The following EIF4G3 variants were observed in gnomAD, a reference collection of about 807,000 sequenced individuals.
EIF4G3 encodes the protein eukaryotic translation initiation factor 4 gamma 3, also known as eIF-4-gamma 3.
In EIF4G3, 34 loss-of-function variants were observed where a neutral mutation model predicts 186.4. The ratio of observed to expected loss-of-function variants is 0.18; its 90% CI spans 0.14 to 0.24. The LOEUF (loss-of-function observed/expected upper bound fraction) is 0.24, where lower values mean the gene tolerates loss of function less well. EIF4G3 is among the 10% of genes least tolerant of loss of function. EIF4G3 has a pLI of 1.00. For missense variants in EIF4G3, 1,536 were observed against 1,948.5 expected (o/e 0.79, Z 3.99); for synonymous variants, 673 against 679.5 (o/e 0.99, Z 0.15).
At chr1:21,059,868 C>T (rs1329577598) in intron 3 of EIF4G3, among the ~76,000 whole-genome samples, 2 of 152,090 alleles carry the variant, frequency 1.3e-5, no homozygotes, top group African/African-American at 2.4e-5. Flanking sequence ...AAAAAATAAA[C>T]GAATAAGAAA....
At chr1:20,927,604 TTAGA>T (rs1271378021) in intron 14 of EIF4G3, among the ~76,000 whole-genome samples, 1 of 152,028 alleles carries the variant, frequency 6.6e-6, no homozygotes, top group African/African-American at 2.4e-5. Flanking sequence ...AAATGAATGG[TTAGA>T]TAGCTGGAAA....
chr1:20,827,337 T>A (rs1298093789), intron 32 of EIF4G3, among the ~76,000 whole-genome samples: 1 of 152,198 alleles, frequency 6.6e-6, no homozygotes, highest in Non-Finnish European at 1.5e-5. Flanking sequence ...ATAAATGATA[T>A]ATCCATTTTG....
At chr1:20,956,151 GTTCTTTCTATACTAA>G (rs1481658114) in intron 12 of EIF4G3, among the ~76,000 whole-genome samples, 3 of 152,158 alleles carry the variant, frequency 2.0e-5, no homozygotes, top group Admixed American at 6.5e-5. Flanking sequence ...ACATAGATCA[GTTCTTTCTATACTAA>G]TTCTTTCTAT....
At chr1:21,031,676 T>C (rs986574589) in intron 4 of EIF4G3, among the ~76,000 whole-genome samples, 1 of 152,170 alleles carries the variant, frequency 6.6e-6, no homozygotes. Flanking sequence ...AACAGGATGT[T>C]AGCAGAGAGA....
At chr1:21,058,238 G>A (rs774723620) in intron 3 of EIF4G3, among the ~76,000 whole-genome samples, 20 of 152,038 alleles carry the variant, frequency 1.3e-4, no homozygotes, top group Non-Finnish European at 2.5e-4. Context: ...CAGAGATTAG[G>A]GACTATGGAA....
At chr1:20,946,037 C>G (rs1414350500) in intron 13 of EIF4G3, among the ~76,000 whole-genome samples, 1 of 152,046 alleles carries the variant, frequency 6.6e-6, no homozygotes, top group Non-Finnish European at 1.5e-5. Context: ...AATCAATGAC[C>G]AAGACTGGGT....
chr1:21,115,718 G>T (rs1351683239), intron 2 of EIF4G3, among the ~76,000 whole-genome samples: 1 of 152,042 alleles, frequency 6.6e-6, no homozygotes, highest in Non-Finnish European at 1.5e-5. Flanking sequence ...TGTTGTTGTT[G>T]TTGTTGTTGT....
chr1:21,101,136 C>T (rs1038495412), intron 2 of EIF4G3, among the ~76,000 whole-genome samples: 3 of 152,062 alleles, frequency 2.0e-5, no homozygotes, highest in Non-Finnish European at 2.9e-5. Flanking sequence ...CAAAGTTTAA[C>T]GGTAAAAATA....
intron 2 of EIF4G3, among the ~76,000 whole-genome samples, chr1:21,171,005 G>T (rs977378206): frequency 6.8e-4 from 100 of 147,178 alleles, no homozygotes; most frequent in Non-Finnish European, 1.2e-3. Flanking sequence ...AAAAAAAAAA[G>T]TCGTAAAAAC....
intron 12 of EIF4G3, among the ~76,000 whole-genome samples, chr1:20,958,049 T>C (rs2096481462): frequency 6.6e-6 from 1 of 152,070 alleles, no homozygotes; most frequent in Admixed American, 6.6e-5. Context: ...AATCATTCTA[T>C]GAAGCCAGTA....
chr1:20,866,647 C>T (rs1352713884), intron 20 of EIF4G3, among the ~76,000 whole-genome samples: 2 of 152,144 alleles, frequency 1.3e-5, no homozygotes, highest in Non-Finnish European at 2.9e-5. Flanking sequence ...AAAGTTGATT[C>T]TACCTTCTCT....
intron 14 of EIF4G3, among the ~76,000 whole-genome samples, chr1:20,908,997 CAAAAATTAG>C (rs1430702694): frequency 6.6e-6 from 1 of 151,844 alleles, no homozygotes; most frequent in African/African-American, 2.4e-5. Context: ...ACTAAAAATA[CAAAAATTAG>C]CCAGGCATGG....
chr1:20,875,397 T>C (rs879495983), intron 20 of EIF4G3, among the ~76,000 whole-genome samples: 27 of 152,222 alleles, frequency 1.8e-4, no homozygotes, highest in Admixed American at 1.2e-3. Flanking sequence ...TGTAAGCATG[T>C]TGCATTGGTG....
At chr1:20,828,336 A>G (rs1448548099) in intron 31 of EIF4G3, among the ~76,000 whole-genome samples, 2 of 152,090 alleles carry the variant, frequency 1.3e-5, no homozygotes, top group African/African-American at 4.8e-5. Flanking sequence ...GGCCATATAT[A>G]AAGTATTTTT....
At chr1:20,892,505 AC>A in intron 18 of EIF4G3, 1 of 804,416 alleles carries the variant, frequency 1.2e-6, no homozygotes, top group Non-Finnish European at 2.1e-6. Context: ...ACTCTTTTGT[AC>A]ATGTCATTTG....
intron 14 of EIF4G3, among the ~76,000 whole-genome samples, chr1:20,928,655 T>C (rs564363563): frequency 6.6e-6 from 1 of 152,296 alleles, no homozygotes; most frequent in South Asian, 2.1e-4. Flanking sequence ...CCCCTCGGCC[T>C]CCCAAAGTGC....
At chr1:21,157,444 T>G (rs1357489277) in intron 2 of EIF4G3, among the ~76,000 whole-genome samples, 1 of 151,840 alleles carries the variant, frequency 6.6e-6, no homozygotes, top group East Asian at 1.9e-4. Flanking sequence ...TGATCACAAC[T>G]CACTGCAGCT....
At chr1:21,087,737 C>T (rs1045097884) in intron 3 of EIF4G3, among the ~76,000 whole-genome samples, 18 of 152,128 alleles carry the variant, frequency 1.2e-4, no homozygotes, top group African/African-American at 4.3e-4. Context: ...GGGTTCACGC[C>T]ATTCTCCTGC....
chr1:21,147,829 T>C (rs2097476911), intron 2 of EIF4G3, among the ~76,000 whole-genome samples: 1 of 152,178 alleles, frequency 6.6e-6, no homozygotes, highest in Non-Finnish European at 1.5e-5. Context: ...GACTGCAATA[T>C]TTAATGCTGA....
Sources: gnomAD v4.1 joint callset for allele counts (sites outside exome capture counted in the v4.1 genomes callset) on GRCh38, gnomAD v4.1.1 for gene constraint, MANE v1.5 for transcripts, NCBI Gene and HGNC (gene_info 2026-07-23, HGNC 2026-07-21) for gene names.